Variants in LUZP2 observed in about 807,000 individuals in gnomAD.
The protein encoded by LUZP2 is leucine zipper protein 2.
A neutral mutation model predicts 51.6 loss-of-function variants in LUZP2; 52 were observed. The observed-to-expected ratio is 1.01, with a 90% confidence interval of 0.81 to 1.27. LUZP2 has a LOEUF of 1.27. Ranked by LOEUF, LUZP2 falls within the 50% of genes most tolerant of loss-of-function variation. LUZP2 has a pLI of 0.00. For missense variants in LUZP2, 436 were observed against 395.4 expected (o/e 1.10, Z -0.87); for synonymous variants, 154 against 137.3 (o/e 1.12, Z -0.85).
At chr11:25,000,130 G>A (rs1856639500) in intron 9 of LUZP2, among the ~76,000 whole-genome samples, 1 of 151,664 alleles carries the variant, frequency 6.6e-6, no homozygotes, top group Admixed American at 6.6e-5. Flanking sequence ...GACACAAAGT[G>A]CTGATTGGTG....
At chr11:24,766,592 A>AG (rs1487062325) in intron 5 of LUZP2, among the ~76,000 whole-genome samples, 7 of 152,236 alleles carry the variant, frequency 4.6e-5, no homozygotes, top group Non-Finnish European at 1.0e-4. Context: ...AAGAGATTTA[A>AG]GAAAAATCTG....
intron 4 of LUZP2, among the ~76,000 whole-genome samples, chr11:24,741,933 A>G (rs1051642843): frequency 6.9e-4 from 12 of 17,420 alleles, no homozygotes; most frequent in African/African-American, 1.2e-3. Context: ...TATATATTAT[A>G]TATAAATATA....
At chr11:24,978,747 A>G (rs1298358717) in intron 8 of LUZP2, among the ~76,000 whole-genome samples, 9 of 151,760 alleles carry the variant, frequency 5.9e-5, no homozygotes, top group Admixed American at 2.6e-4. Context: ...ATGGATATGT[A>G]TTTTCTAAGT....
At chr11:24,619,489 T>A (rs537272176) in intron 1 of LUZP2, among the ~76,000 whole-genome samples, 23 of 152,308 alleles carry the variant, frequency 1.5e-4, no homozygotes, top group Admixed American at 7.8e-4. Flanking sequence ...ACATTTTTTT[T>A]AAATAACTCA....
chr11:24,575,746 G>C (rs989918451), intron 1 of LUZP2, among the ~76,000 whole-genome samples: 8 of 152,056 alleles, frequency 5.3e-5, no homozygotes, highest in Non-Finnish European at 1.0e-4. Context: ...TCCAGATCAG[G>C]TTTCTTTTAA....
intron 1 of LUZP2, among the ~76,000 whole-genome samples, chr11:24,674,434 C>T (rs1229687641): frequency 6.6e-6 from 1 of 152,140 alleles, no homozygotes; most frequent in Non-Finnish European, 1.5e-5. Flanking sequence ...TTCATTTTGT[C>T]ACTTTACTGG....
At chr11:24,649,208 G>A (rs1459070887) in intron 1 of LUZP2, among the ~76,000 whole-genome samples, 1 of 151,992 alleles carries the variant, frequency 6.6e-6, no homozygotes, top group Non-Finnish European at 1.5e-5. Flanking sequence ...GATGGCCAGA[G>A]GGAGGCTCCT....
chr11:24,958,085 CA>C (rs1855264031), intron 7 of LUZP2, among the ~76,000 whole-genome samples: 1 of 151,882 alleles, frequency 6.6e-6, no homozygotes, highest in African/African-American at 2.4e-5. Context: ...ATGAACTCAT[CA>C]TTTTTTTATG....
At chr11:24,951,480 C>G (rs1197538088) in intron 7 of LUZP2, among the ~76,000 whole-genome samples, 3 of 151,132 alleles carry the variant, frequency 2.0e-5, no homozygotes, top group South Asian at 4.2e-4. Context: ...TTTCTAATAC[C>G]CCTAATTATA....
At chr11:24,923,381 T>C (rs529741568) in intron 7 of LUZP2, among the ~76,000 whole-genome samples, 55 of 152,190 alleles carry the variant, frequency 3.6e-4, no homozygotes, top group African/African-American at 1.3e-3. Context: ...GCCTCCCATT[T>C]TGTCTTGAAG....
At chr11:24,686,733 G>A (rs192893812) in intron 1 of LUZP2, among the ~76,000 whole-genome samples, 25 of 152,224 alleles carry the variant, frequency 1.6e-4, no homozygotes, top group African/African-American at 5.5e-4. Context: ...AATGAGAACA[G>A]CGATTTCCAA....
chr11:24,521,092 T>C (rs926291494), intron 1 of LUZP2, among the ~76,000 whole-genome samples: 1 of 152,238 alleles, frequency 6.6e-6, no homozygotes, highest in African/African-American at 2.4e-5. Context: ...GGCTCACGCC[T>C]GTAATCCCAG....
At chr11:24,716,629 G>T (rs1341691818) in intron 1 of LUZP2, among the ~76,000 whole-genome samples, 2 of 152,128 alleles carry the variant, frequency 1.3e-5, no homozygotes, top group African/African-American at 2.4e-5. Flanking sequence ...GGGGGCGGTG[G>T]CTCAAGTCTG....
intron 1 of LUZP2, among the ~76,000 whole-genome samples, chr11:24,560,626 C>A (rs911049775): frequency 1.3e-5 from 2 of 152,120 alleles, no homozygotes; most frequent in Non-Finnish European, 2.9e-5. Flanking sequence ...TCCCCAAAGA[C>A]TCTTTTAAAT....
intron 10 of LUZP2, among the ~76,000 whole-genome samples, chr11:25,064,082 A>G (rs1459671457): frequency 6.8e-6 from 1 of 147,410 alleles, no homozygotes; most frequent in African/African-American, 2.4e-5. Flanking sequence ...ATATATTCCC[A>G]TGTCTGCTTG....
intron 5 of LUZP2, among the ~76,000 whole-genome samples, chr11:24,870,296 A>G (rs1005038122): frequency 3.3e-5 from 5 of 152,180 alleles, no homozygotes; most frequent in Admixed American, 1.3e-4. Flanking sequence ...AATTTTTGCC[A>G]GAATTCTGAA....
chr11:24,623,656 G>C (rs1854580028), intron 1 of LUZP2, among the ~76,000 whole-genome samples: 1 of 152,052 alleles, frequency 6.6e-6, no homozygotes, highest in Admixed American at 6.6e-5. Flanking sequence ...GACCAGCCTG[G>C]CCAACATGGT....
chr11:24,574,215 T>TTC (rs1852541365), intron 1 of LUZP2, among the ~76,000 whole-genome samples: 8 of 105,734 alleles, frequency 7.6e-5, no homozygotes, highest in African/African-American at 3.5e-4. Flanking sequence ...TTCCTTCCTT[T>TTC]CTTTCTTTCT....
chr11:24,754,149 T>TTTTG (rs1554985382), intron 4 of LUZP2, among the ~76,000 whole-genome samples: 4 of 152,140 alleles, frequency 2.6e-5, no homozygotes, highest in Non-Finnish European at 5.9e-5. Flanking sequence ...CATCAGTGTT[T>TTTTG]TTTGTTTGTT....
Sources: allele counts gnomAD v4.1 joint callset (sites outside exome capture counted in the v4.1 genomes callset), GRCh38; gene constraint gnomAD v4.1.1; transcripts MANE v1.5; gene names NCBI Gene and HGNC (gene_info 2026-07-23, HGNC 2026-07-21).